EXOC6B: variants seen among roughly 807,000 people sequenced by gnomAD.
EXOC6B encodes the protein SEC15 homolog B.
EXOC6B carries 54 observed loss-of-function variants against 113.5 expected under a neutral mutation model. The ratio of observed to expected loss-of-function variants is 0.48; its 90% CI spans 0.38 to 0.60. The LOEUF (loss-of-function observed/expected upper bound fraction) is 0.60, where lower values mean the gene tolerates loss of function less well. Among genes scored for constraint, EXOC6B ranks in the 20% least tolerant of loss-of-function variants. The pLI is 0.00. For missense variants in EXOC6B, 797 were observed against 977.5 expected, an observed-to-expected ratio of 0.82 and a Z score of 2.46; for synonymous variants, 357 against 339.0, an observed-to-expected ratio of 1.05 and a Z score of -0.58.
At position 72,232,322 on chromosome 2, in the gene EXOC6B, G is replaced by A. The variant is rs919365242; in HGVS notation, c.2197-48135C>T. 3.3e-4 allele frequency among the ~76,000 whole-genome samples: 50 copies of A among 151,992 alleles called. 1 individual carries two copies. The highest frequency in any genetic ancestry group is 1.1e-3 in the African/African-American group (47 of 41,346). The stretch of plus-strand genomic sequence containing the variant: ...TTAAAAACTGAGAATATTTAATACC[G>A]GTTATAGTGAGATTAAAATGGGCCC... On this transcript the variant is annotated intron_variant, in intron 20 of 21. Coordinates refer to ENST00000272427, the MANE Select transcript of EXOC6B (RefSeq NM_015189.3).
intron 6 of EXOC6B, among the ~76,000 whole-genome samples, chr2:72,668,236 A>G (rs1336788298): frequency 2.0e-5 from 3 of 152,220 alleles, no homozygotes; most frequent in Non-Finnish European, 4.4e-5. Context: ...ATTAGTCAGA[A>G]TGGCTCTTGT....
At chr2:72,776,434 T>C (rs1179030168) in intron 1 of EXOC6B, among the ~76,000 whole-genome samples, 1 of 151,966 alleles carries the variant, frequency 6.6e-6, no homozygotes, top group South Asian at 2.1e-4. Flanking sequence ...CTGGGCAACA[T>C]GGAGAAACCT....
chr2:72,513,281 C>T (rs1701043687), intron 10 of EXOC6B, 29 bp from the exon 11 acceptor site: 5 of 1,610,476 alleles, frequency 3.1e-6, no homozygotes, highest in Non-Finnish European at 4.2e-6. Context: ...GAAAGCACAG[C>T]TGTCAGAAAT....
At chr2:72,429,741 G>A (rs1695414243) in intron 18 of EXOC6B, among the ~76,000 whole-genome samples, 1 of 152,184 alleles carries the variant, frequency 6.6e-6, no homozygotes, top group Non-Finnish European at 1.5e-5. Context: ...TAGAGGCCAG[G>A]AATGCAGCTA....
chr2:72,581,651 G>C (rs1159834338), intron 6 of EXOC6B, among the ~76,000 whole-genome samples: 1 of 152,128 alleles, frequency 6.6e-6, no homozygotes, highest in East Asian at 1.9e-4. Context: ...TCATCTCCTG[G>C]ACAAGGAGTT....
intron 16 of EXOC6B, among the ~76,000 whole-genome samples, chr2:72,491,638 T>C (rs895324955): frequency 6.6e-6 from 1 of 152,122 alleles, no homozygotes; most frequent in Admixed American, 6.6e-5. Flanking sequence ...CTTCACATCT[T>C]TCTAAATTTT....
At chr2:72,586,690 T>G (rs1286732835) in intron 6 of EXOC6B, among the ~76,000 whole-genome samples, 2 of 151,966 alleles carry the variant, frequency 1.3e-5, no homozygotes, top group Non-Finnish European at 2.9e-5. Context: ...AGGCAGAGGT[T>G]GCAGTGAGCT....
chr2:72,340,441 A>C (rs1027570466), intron 19 of EXOC6B, among the ~76,000 whole-genome samples: 5 of 152,198 alleles, frequency 3.3e-5, no homozygotes, highest in Non-Finnish European at 5.9e-5. Context: ...AGTATGTAAA[A>C]TAGCAATTTT....
intron 20 of EXOC6B, among the ~76,000 whole-genome samples, chr2:72,205,843 A>G (rs1679811449): frequency 6.6e-6 from 1 of 152,220 alleles, no homozygotes; most frequent in African/African-American, 2.4e-5. Context: ...GAGATGAGCC[A>G]GGAAGTGAAA....
At chr2:72,585,857 T>G (rs1186800416) in intron 6 of EXOC6B, among the ~76,000 whole-genome samples, 1 of 152,012 alleles carries the variant, frequency 6.6e-6, no homozygotes, top group Non-Finnish European at 1.5e-5. Context: ...CATACCCAAA[T>G]TCTACAAGAT....
At chr2:72,285,042 C>G (rs1685341900) in intron 20 of EXOC6B, among the ~76,000 whole-genome samples, 1 of 152,066 alleles carries the variant, frequency 6.6e-6, no homozygotes, top group Non-Finnish European at 1.5e-5. Flanking sequence ...GATATCAGTT[C>G]TTTCCAACTT....
intron 6 of EXOC6B, among the ~76,000 whole-genome samples, chr2:72,712,554 G>A (rs1298796174): frequency 6.6e-6 from 1 of 152,212 alleles, no homozygotes; most frequent in African/African-American, 2.4e-5. Flanking sequence ...GTCAGGTGGG[G>A]ATCATTTACA....
intron 8 of EXOC6B, among the ~76,000 whole-genome samples, chr2:72,551,850 T>C (rs1048117082): frequency 1.3e-5 from 2 of 152,220 alleles, no homozygotes; most frequent in Admixed American, 6.5e-5. Flanking sequence ...TGAGATACAA[T>C]GCGGTCATAC....
chr2:72,509,429 C>G (rs1057301523), intron 11 of EXOC6B, among the ~76,000 whole-genome samples: 1 of 152,144 alleles, frequency 6.6e-6, no homozygotes, highest in African/African-American at 2.4e-5. Flanking sequence ...AGAGTCCAAT[C>G]TCATACCCTA....
At position 72,825,666 on chromosome 2, in the gene EXOC6B, C is replaced by T; in HGVS notation, c.113+132G>A. ...GGCTGCGAAGGGAGACCCGCCTCGC[C>T]CGGTATGCAGGGTCTCTCCGAAGGG... On this transcript the variant is annotated intron_variant, in intron 1 of 21. Transcript: ENST00000272427. The surrounding 1 kb of genome is among the most constrained non-coding windows in gnomAD (Gnocchi z 4.4). 1 of 1,142,962 alleles carries T rather than the reference C, an allele frequency of 8.7e-7. No individual in the cohort carries two copies. Among genetic ancestry groups the T allele is most frequent in the East Asian group, 2.9e-5 (1 of 34,292 alleles). The allele number at this position is 1,142,962 out of a possible 1,614,324, so 70.8% of individuals were successfully genotyped here. A position where few individuals can be genotyped will look rare whatever the true frequency, so the allele number is the denominator to read the frequency against.
At chr2:72,434,754 C>A (rs545397167) in intron 18 of EXOC6B, among the ~76,000 whole-genome samples, 1 of 151,930 alleles carries the variant, frequency 6.6e-6, no homozygotes, top group South Asian at 2.1e-4. Context: ...GGGTTATATC[C>A]CCTTTATCAT....
Position 72,213,271 on chromosome 2 carries a change from C to T in EXOC6B, c.2197-29084G>A, listed in dbSNP as rs77182539. On this transcript the variant is annotated intron_variant, in intron 20 of 21. Coordinates refer to ENST00000272427, the MANE Select transcript of EXOC6B (RefSeq NM_015189.3). ...ACCTCATGAGAGATGCTAGCTAATA[C>T]CACGTAAAACTGCCTAGCTGAGCCC... Among the ~76,000 whole-genome samples the T allele has an allele frequency of 5.4e-3, 819 of 152,326 alleles. 7 individuals carry two copies. Among genetic ancestry groups the T allele is most frequent in the African/African-American group, 0.019 (795 of 41,570 alleles).
At chr2:72,454,058 G>T (rs1268899768) in intron 18 of EXOC6B, among the ~76,000 whole-genome samples, 1 of 152,070 alleles carries the variant, frequency 6.6e-6, no homozygotes, top group Non-Finnish European at 1.5e-5. Flanking sequence ...TACTCCCATG[G>T]TTCAATTATC....
chr2:72,384,309 G>A (rs1691866097), intron 18 of EXOC6B, among the ~76,000 whole-genome samples: 1 of 151,892 alleles, frequency 6.6e-6, no homozygotes. Flanking sequence ...AAAAAACTCA[G>A]CCTCCTTTCA....
Sources: allele counts gnomAD v4.1 joint callset (sites outside exome capture counted in the v4.1 genomes callset), GRCh38; gene constraint gnomAD v4.1.1; non-coding constraint Gnocchi (gnomAD v3.1); transcripts MANE v1.5; gene names NCBI Gene and HGNC (gene_info 2026-07-23, HGNC 2026-07-21).